MAGI2: variants seen among roughly 807,000 people sequenced by gnomAD.
The protein encoded by MAGI2 is membrane associated guanylate kinase, WW and PDZ domain containing 2.
Under a neutral mutation model 133.3 loss-of-function variants are expected in MAGI2, and 35 were observed. The observed-to-expected ratio is 0.26, with a 90% CI of 0.20 to 0.35. The LOEUF is 0.35. Among genes scored for constraint, MAGI2 ranks in the 10% least tolerant of loss-of-function variants. MAGI2 has a pLI of 1.00. For missense variants in MAGI2, 1,636 were observed against 1,863.4 expected (o/e 0.88, Z 2.25); for synonymous variants, 729 against 710.6 (o/e 1.03, Z -0.41).
intron 16 of MAGI2, among the ~76,000 whole-genome samples, chr7:78,146,773 C>T (rs1823348094): frequency 6.6e-6 from 1 of 152,178 alleles, no homozygotes; most frequent in Admixed American, 6.5e-5. Context: ...TTGCTGACAA[C>T]TCATGTTTCT....
chr7:78,358,263 A>G (rs1792373531), intron 7 of MAGI2: 1 of 132,528 alleles, frequency 7.5e-6, no homozygotes, highest in South Asian at 2.5e-4. Flanking sequence ...CTAGCTATCT[A>G]TTTTGCCCCC....
intron 1 of MAGI2, among the ~76,000 whole-genome samples, chr7:79,451,754 T>C (rs1849271804): frequency 6.6e-6 from 1 of 152,142 alleles, no homozygotes; most frequent in Admixed American, 6.5e-5. Context: ...AATGACATGC[T>C]CAATTCCACC....
intron 10 of MAGI2, among the ~76,000 whole-genome samples, chr7:78,208,801 T>C (rs923227640): frequency 1.1e-4 from 17 of 151,928 alleles, no homozygotes. Flanking sequence ...CTTTATTGAG[T>C]TGTTGGTGTC....
In MAGI2 at chr7:78,574,269, T is replaced by C. The variant is rs1190313956; in HGVS notation, c.539-52624A>G. Among the ~76,000 whole-genome samples, 6 of 152,210 alleles carry C rather than the reference T, an allele frequency of 3.9e-5. No individual in the cohort carries two copies. The East Asian group carries it at 9.6e-4, about 24-fold the overall frequency. On this transcript the variant is annotated intron_variant, in intron 3 of 21. Transcript: ENST00000354212. The stretch of plus-strand genomic sequence containing the variant: ...GGTGACATTGCTAACTGGCATTTCT[T>C]ACCACAGGCTTTCACATTTCATTAC...
chr7:78,688,235 TA>T (rs1372918262), intron 2 of MAGI2, among the ~76,000 whole-genome samples: 1 of 152,170 alleles, frequency 6.6e-6, no homozygotes, highest in Non-Finnish European at 1.5e-5. Context: ...AGCTATCACC[TA>T]TTTTTTAGCC....
intron 1 of MAGI2, among the ~76,000 whole-genome samples, chr7:79,118,251 C>A (rs367884447): frequency 3.3e-5 from 5 of 152,270 alleles, no homozygotes; most frequent in South Asian, 2.1e-4. Flanking sequence ...TGCAAACATG[C>A]TACTATTTGG....
intron 9 of MAGI2, among the ~76,000 whole-genome samples, chr7:78,337,359 A>G (rs980889539): frequency 6.6e-6 from 1 of 152,188 alleles, no homozygotes; most frequent in Non-Finnish European, 1.5e-5. Flanking sequence ...CCAAAGGCAC[A>G]CTGCCCTCAT....
chr7:78,202,541 G>C (rs1829344584), intron 10 of MAGI2, among the ~76,000 whole-genome samples: 1 of 151,820 alleles, frequency 6.6e-6, no homozygotes, highest in Non-Finnish European at 1.5e-5. Context: ...AAATTAGCCA[G>C]GTGTGGAGGC....
chr7:79,030,510 T>A (rs573234016), intron 1 of MAGI2, among the ~76,000 whole-genome samples: 43 of 152,326 alleles, frequency 2.8e-4, no homozygotes, highest in African/African-American at 8.7e-4. Flanking sequence ...CGTTTTTGTT[T>A]TTGTTTGTTC....
At chr7:79,231,949 T>C (rs900064341) in intron 1 of MAGI2, among the ~76,000 whole-genome samples, 1 of 152,216 alleles carries the variant, frequency 6.6e-6, no homozygotes, top group African/African-American at 2.4e-5. Context: ...ACAGCTCTTA[T>C]TATTTTGAGA....
chr7:79,151,842 G>C (rs768303593), intron 1 of MAGI2, among the ~76,000 whole-genome samples: 12 of 152,102 alleles, frequency 7.9e-5, no homozygotes, highest in Non-Finnish European at 1.8e-4. Flanking sequence ...ACCTCTAAGG[G>C]AGAAAGACAC....
intron 2 of MAGI2, among the ~76,000 whole-genome samples, chr7:78,966,131 G>A (rs554256933): frequency 1.3e-5 from 2 of 152,200 alleles, no homozygotes; most frequent in African/African-American, 4.8e-5. Flanking sequence ...AGGAGAGATA[G>A]AAATAACTGT....
chr7:78,145,460 G>C (rs2150568230), intron 16 of MAGI2, among the ~76,000 whole-genome samples: 1 of 152,092 alleles, frequency 6.6e-6, no homozygotes. Flanking sequence ...TTTCCATTCT[G>C]TTTTTCTGGT....
chr7:78,911,225 A>T (rs1402400413), intron 2 of MAGI2, among the ~76,000 whole-genome samples: 1 of 152,176 alleles, frequency 6.6e-6, no homozygotes, highest in Non-Finnish European at 1.5e-5. Context: ...TTTAACATTG[A>T]GGGTGACTTT....
intron 20 of MAGI2, among the ~76,000 whole-genome samples, chr7:78,083,126 C>T (rs3779311): frequency 0.1 from 15,201 of 151,726 alleles, 1,244 homozygotes; most frequent in East Asian, 0.44. Context: ...CTATCACAAT[C>T]GGGAGAATTA....
At chr7:78,228,296 C>G (rs966072351) in intron 10 of MAGI2, among the ~76,000 whole-genome samples, 1 of 152,186 alleles carries the variant, frequency 6.6e-6, no homozygotes, top group Admixed American at 6.5e-5. Context: ...GGTCCCTAAA[C>G]CATCTGCATC....
chr7:78,529,668 GTTTTTTTTTTTT>G (rs554010061), intron 3 of MAGI2, among the ~76,000 whole-genome samples: 17 of 57,432 alleles, frequency 3.0e-4, no homozygotes, highest in Admixed American at 1.8e-3. Context: ...AAAGGAGATG[GTTTTTTTTTTTT>G]TTTTTTTTTT....
intron 2 of MAGI2, among the ~76,000 whole-genome samples, chr7:78,804,959 T>A (rs558126799): frequency 6.6e-6 from 1 of 150,804 alleles, no homozygotes; most frequent in Non-Finnish European, 1.5e-5. Flanking sequence ...TCCCAGCAAC[T>A]TGGGAGGCTG....
chr7:78,037,960 A>T (rs1004225659), intron 21 of MAGI2, among the ~76,000 whole-genome samples: 1 of 152,232 alleles, frequency 6.6e-6, no homozygotes, highest in African/African-American at 2.4e-5. Flanking sequence ...GTCTCTTCAC[A>T]GGAGTAGACA....
Sources: allele counts gnomAD v4.1 joint callset (sites outside exome capture counted in the v4.1 genomes callset), GRCh38; gene constraint gnomAD v4.1.1; transcripts MANE v1.5; gene names NCBI Gene and HGNC (gene_info 2026-07-23, HGNC 2026-07-21).